Variants in BTBD1 observed in about 807,000 individuals in gnomAD.
BTBD1 encodes the protein BTB domain containing 1.
BTBD1 carries 34 observed loss-of-function variants against 48.0 expected under a neutral mutation model. That is an observed-to-expected ratio of 0.71 (90% confidence interval 0.54 to 0.94). BTBD1 has a LOEUF of 0.94. Among genes scored for constraint, BTBD1 ranks in the 40% least tolerant of loss-of-function variants. BTBD1 has a pLI of 0.00. For missense variants in BTBD1, 543 were observed against 625.6 expected (o/e 0.87, Z 1.41); for synonymous variants, 261 against 242.1 (o/e 1.08, Z -0.72).
intron 1 of BTBD1, among the ~76,000 whole-genome samples, chr15:83,064,181 C>G (rs983950315): frequency 6.6e-6 from 1 of 152,170 alleles, no homozygotes; most frequent in Non-Finnish European, 1.5e-5. Flanking sequence ...CCAAACTAAC[C>G]TGCTCTTCCA....
intron 3 of BTBD1, among the ~76,000 whole-genome samples, chr15:83,046,189 A>T (rs755037973): frequency 2.6e-5 from 4 of 152,174 alleles, no homozygotes; most frequent in African/African-American, 7.2e-5. Context: ...TGAGCACAGG[A>T]GTTCGAGACC....
intron 5 of BTBD1, among the ~76,000 whole-genome samples, chr15:83,029,209 T>A (rs547144005): frequency 3.9e-5 from 6 of 152,242 alleles, no homozygotes; most frequent in Non-Finnish European, 7.3e-5. Flanking sequence ...CAGATTTTTC[T>A]GTTTTAACAA....
chr15:83,038,359 T>C (rs978425846), intron 4 of BTBD1, among the ~76,000 whole-genome samples: 5 of 152,130 alleles, frequency 3.3e-5, no homozygotes, highest in Non-Finnish European at 5.9e-5. Context: ...AAAAGATCTC[T>C]ACAAGGAGAA....
chr15:83,057,680 A>G (rs2033110944), intron 1 of BTBD1, among the ~76,000 whole-genome samples: 1 of 152,250 alleles, frequency 6.6e-6, no homozygotes, highest in Admixed American at 6.5e-5. Context: ...GAAGTCTCCA[A>G]GATGACATTA....
rs190946141 is a variant in BTBD1, at chr15:83,042,452, C to T, written c.665-527G>A. On this transcript the variant is annotated intron_variant, in intron 3 of 7. Transcript: ENST00000261721. Reference sequence around the variant, plus strand: ...AGGCTGGAGTGCAGAGGCACAATCTCGGCTCAATGCAACCTCTGCCTCCTA... The same window carrying T: ...AGGCTGGAGTGCAGAGGCACAATCTTGGCTCAATGCAACCTCTGCCTCCTA... Among the ~76,000 whole-genome samples, 28 of 150,100 alleles carry T rather than the reference C, an allele frequency of 1.9e-4. No individual in the cohort carries two copies. In the East Asian group the frequency reaches 4.1e-3, roughly 22 times the overall value.
intron 4 of BTBD1, among the ~76,000 whole-genome samples, chr15:83,037,139 A>G (rs2032645650): frequency 6.6e-6 from 1 of 152,182 alleles, no homozygotes; most frequent in African/African-American, 2.4e-5. Flanking sequence ...ATTTGGTATA[A>G]TAATAAATAT....
chr15:83,041,770 A>G lies in BTBD1; in HGVS notation c.820T>C (p.Leu274=), dbSNP rs1219330700. 4 of 1,614,186 alleles carry G rather than the reference A, an allele frequency of 2.5e-6. No homozygotes were observed. Among genetic ancestry groups the G allele is most frequent in the Admixed American group, 3.3e-5 (2 of 60,022 alleles). Residue 274 remains leucine (L), a synonymous_variant, in exon 4 of 8, where the codon TTA becomes CTA. Transcript: ENST00000261721. ...ATTGTCATCAGTGGGAACCGGATTA[A>G]GGAAAGTGCTTTTCCTAGAACTTTT... ...KQKVLGKALS[L]IRFPLMTIEE...
chr15:83,037,099 A>T (rs1156949402), intron 4 of BTBD1, among the ~76,000 whole-genome samples: 4 of 152,198 alleles, frequency 2.6e-5, no homozygotes, highest in African/African-American at 9.6e-5. Flanking sequence ...TCTTGGAGAA[A>T]ATTGGAACAA....
chr15:83,041,766 A>G lies in BTBD1; in HGVS notation c.824T>C (p.Ile275Thr). 6.2e-7 allele frequency: 1 copy of G among 1,614,192 alleles called. No individual in the cohort carries two copies. Among genetic ancestry groups the G allele is most frequent in the Non-Finnish European group, 8.5e-7 (1 of 1,180,028 alleles). ...QKVLGKALSLIRFPLMTIEEF... is the reference protein window; with the variant it reads ...QKVLGKALSLTRFPLMTIEEF... ...CTCAATTGTCATCAGTGGGAACCGG[A>G]TTAAGGAAAGTGCTTTTCCTAGAAC... The change falls in exon 4 of 8, where the codon ATC becomes ACC. Residue 275 changes from isoleucine to threonine, a missense_variant. By Grantham distance (89) the Ile-to-Thr change is moderately conservative. Around this residue, in one of 3 missense-constraint regions of BTBD1, gnomAD observed 300 missense variants for 350.0 expected, o/e 0.86. Coordinates refer to ENST00000261721, the MANE Select transcript of BTBD1 (RefSeq NM_025238.4).
intron 4 of BTBD1, among the ~76,000 whole-genome samples, chr15:83,039,231 A>G (rs13329298): frequency 0.012 from 1,768 of 152,252 alleles, 26 homozygotes; most frequent in African/African-American, 0.032. Flanking sequence ...ATGAACAGAC[A>G]TTTCTCAAAA....
intron 2 of BTBD1, among the ~76,000 whole-genome samples, chr15:83,051,871 T>C (rs1460336575): frequency 1.3e-4 from 1 of 7,846 alleles, no homozygotes; most frequent in Non-Finnish European, 2.0e-4. Flanking sequence ...TTTTTTTCCA[T>C]ATATATACAC....
At chr15:83,043,706 G>A (rs75878802) in intron 3 of BTBD1, among the ~76,000 whole-genome samples, 3,375 of 152,202 alleles carry the variant, frequency 0.022, 57 homozygotes, top group Middle Eastern at 0.037. Flanking sequence ...GAGGAGTCAA[G>A]AATAACTGCA....
At chr15:83,059,653 G>C (rs2033146126) in intron 1 of BTBD1, among the ~76,000 whole-genome samples, 1 of 152,228 alleles carries the variant, frequency 6.6e-6, no homozygotes, top group Non-Finnish European at 1.5e-5. Flanking sequence ...CACGATCATA[G>C]CTCACTGTAT....
At chr15:83,031,058 G>A (rs535642086) in intron 4 of BTBD1, among the ~76,000 whole-genome samples, 1 of 152,280 alleles carries the variant, frequency 6.6e-6, no homozygotes, top group South Asian at 2.1e-4. Context: ...TGGGACGGCT[G>A]GGTCAAATGG....
chr15:83,067,060 G>A lies in BTBD1; in HGVS notation c.92C>T (p.Pro31Leu), dbSNP rs1258726893. ...GPAGPPPPPS[P>L]SSLGPLLPLQ... ...GGGGAGCAGGGGCCCCAGAGAGGACGGTGAGGGCGGCGGCGGCGGCCCCGC... is the reference window on the plus strand; with the variant it reads ...GGGGAGCAGGGGCCCCAGAGAGGACAGTGAGGGCGGCGGCGGCGGCCCCGC... Residue 31 changes from proline to leucine, a missense_variant, in exon 1 of 8, where the codon CCG becomes CTG. By Grantham distance (98) the Pro-to-Leu change is moderately conservative. Coordinates refer to ENST00000261721, the MANE Select transcript of BTBD1 (RefSeq NM_025238.4). 3.2e-6 allele frequency: 5 copies of A among 1,571,726 alleles called. No homozygotes were observed. Among genetic ancestry groups the A allele is most frequent in the African/African-American group, 1.4e-5 (1 of 70,792 alleles).
chr15:83,060,040 T>G (rs2033152067), intron 1 of BTBD1, among the ~76,000 whole-genome samples: 1 of 152,234 alleles, frequency 6.6e-6, no homozygotes, highest in Non-Finnish European at 1.5e-5. Context: ...AGGATCTCTG[T>G]GTATCTTATA....
chr15:83,040,635 C>T (rs1005588145), intron 4 of BTBD1, among the ~76,000 whole-genome samples: 21 of 142,614 alleles, frequency 1.5e-4, no homozygotes, highest in Non-Finnish European at 2.7e-4. Flanking sequence ...AGGAGATGGA[C>T]GTTGCGGTGA....
intron 1 of BTBD1, 21 bp from the exon 2 acceptor site, chr15:83,056,566 T>C: frequency 1.2e-6 from 2 of 1,607,344 alleles, no homozygotes; most frequent in Middle Eastern, 1.7e-4. Flanking sequence ...ATTGGCATAT[T>C]TGCAGAGATG....
chr15:83,040,948 A>G (rs1217570796), intron 4 of BTBD1, among the ~76,000 whole-genome samples: 1 of 151,836 alleles, frequency 6.6e-6, no homozygotes, highest in Non-Finnish European at 1.5e-5. Flanking sequence ...CCAGGAGTTC[A>G]AGACCAGCCC....
Sources: gnomAD v4.1 joint callset for allele counts (sites outside exome capture counted in the v4.1 genomes callset) on GRCh38, gnomAD v4.1.1 for gene constraint, gnomAD v4.1.1 regional missense constraint, MANE v1.5 for transcripts, NCBI Gene and HGNC (gene_info 2026-07-23, HGNC 2026-07-21) for gene names.